Variants in KCNAB1 observed in about 807,000 individuals in gnomAD.
The protein encoded by KCNAB1 is voltage-gated potassium channel subunit beta-1.
In KCNAB1, 35 loss-of-function variants were observed where a neutral mutation model predicts 64.6. The ratio of observed to expected loss-of-function variants is 0.54; its 90% CI spans 0.41 to 0.72. The LOEUF (loss-of-function observed/expected upper bound fraction) is 0.72. KCNAB1 is among the 30% of genes least tolerant of loss of function. The probability of loss-of-function intolerance (pLI) is 0.00; values close to 1 mark genes in which losing one functional copy is unlikely to be tolerated. For missense variants in KCNAB1, 401 were observed against 512.9 expected (o/e 0.78, Z 2.11); for synonymous variants, 177 against 183.8 (o/e 0.96, Z 0.30).
intron 1 of KCNAB1, among the ~76,000 whole-genome samples, chr3:156,317,620 CA>C (rs1288414247): frequency 6.6e-6 from 1 of 151,968 alleles, no homozygotes; most frequent in Non-Finnish European, 1.5e-5. Context: ...ATGACTCATC[CA>C]CAATTCCACC....
chr3:156,289,145 G>A (rs191047133), intron 1 of KCNAB1, among the ~76,000 whole-genome samples: 1 of 152,254 alleles, frequency 6.6e-6, no homozygotes, highest in East Asian at 1.9e-4. Flanking sequence ...CTAGTTCTTG[G>A]CAAGGCTGAA....
intron 1 of KCNAB1, among the ~76,000 whole-genome samples, chr3:156,163,911 C>G (rs943096843): frequency 6.6e-6 from 1 of 152,174 alleles, no homozygotes; most frequent in African/African-American, 2.4e-5. Context: ...GTGGATACAA[C>G]CTTGATGATC....
In KCNAB1 at chr3:156,511,055, C is replaced by T. The variant is rs146149658; in HGVS notation, c.659-3309C>T. 4.8e-4 allele frequency among the ~76,000 whole-genome samples: 73 copies of T among 152,256 alleles called. 1 individual carries two copies. Among genetic ancestry groups the T allele is most frequent in the African/African-American group, 1.3e-3 (52 of 41,538 alleles). ...ACCTCTGGCCCAGATTGCTCACTGT[C>T]GTATTTATCCAACTATTAAATATCC... On this transcript the variant is annotated intron_variant, in intron 8 of 13. Coordinates refer to ENST00000490337, the MANE Select transcript of KCNAB1 (RefSeq NM_172160.3).
intron 1 of KCNAB1, among the ~76,000 whole-genome samples, chr3:156,243,326 G>A (rs915586827): frequency 1.1e-4 from 17 of 152,206 alleles, no homozygotes; most frequent in African/African-American, 3.9e-4. Flanking sequence ...CTGGGTTCAA[G>A]CAATTCTCCT....
At chr3:156,278,169 A>G (rs1186607391) in intron 1 of KCNAB1, among the ~76,000 whole-genome samples, 1 of 152,234 alleles carries the variant, frequency 6.6e-6, no homozygotes, top group South Asian at 2.1e-4. Context: ...ATTAGATGTT[A>G]TGAGATAAAG....
chr3:156,126,342 C>A (rs950830105), intron 1 of KCNAB1, among the ~76,000 whole-genome samples: 6 of 151,932 alleles, frequency 3.9e-5, no homozygotes, highest in Admixed American at 3.9e-4. Flanking sequence ...CAAGAAGAGG[C>A]AGTGCAGAGG....
chr3:156,527,891 C>T (rs1718435803), intron 12 of KCNAB1, among the ~76,000 whole-genome samples: 1 of 152,188 alleles, frequency 6.6e-6, no homozygotes, highest in South Asian at 2.1e-4. Flanking sequence ...AGCCAGCATT[C>T]ATACTTTGTT....
In KCNAB1 at chr3:156,397,422, A is replaced by C. The variant is rs201992830; in HGVS notation, c.276-24194A>C. Among the ~76,000 whole-genome samples, 17 of 152,336 alleles carry C rather than the reference A, an allele frequency of 1.1e-4. No homozygotes were observed. The East Asian group carries it at 3.1e-3, about 28-fold the overall frequency. ...TTTTGCAAATGTCTGAACCGTCTGC[A>C]CATTTAGTATATACTAACTGGAAGA... On this transcript the variant is annotated intron_variant, in intron 1 of 13. Coordinates refer to ENST00000490337, the MANE Select transcript of KCNAB1 (RefSeq NM_172160.3).
chr3:156,529,223 A>C (rs572769636), intron 12 of KCNAB1, among the ~76,000 whole-genome samples: 1 of 152,320 alleles, frequency 6.6e-6, no homozygotes, highest in East Asian at 1.9e-4. Context: ...GCTAAGTGAA[A>C]ACCAGACACA....
intron 1 of KCNAB1, among the ~76,000 whole-genome samples, chr3:156,261,949 T>G (rs528944055): frequency 6.6e-6 from 1 of 152,082 alleles, no homozygotes; most frequent in East Asian, 1.9e-4. Flanking sequence ...TTTTAAAAAT[T>G]TATTTCTTTG....
intron 1 of KCNAB1, among the ~76,000 whole-genome samples, chr3:156,140,225 GA>G (rs763602582): frequency 6.6e-6 from 1 of 152,136 alleles, no homozygotes; most frequent in Non-Finnish European, 1.5e-5. Flanking sequence ...ATTTTTTACA[GA>G]CTACATTCTA....
intron 1 of KCNAB1, among the ~76,000 whole-genome samples, chr3:156,171,769 A>G (rs943906346): frequency 6.6e-6 from 1 of 152,054 alleles, no homozygotes; most frequent in Non-Finnish European, 1.5e-5. Flanking sequence ...TACATAACCA[A>G]CTCTCTTCTC....
intron 1 of KCNAB1, among the ~76,000 whole-genome samples, chr3:156,126,786 G>A (rs1168145953): frequency 2.0e-5 from 3 of 151,952 alleles, no homozygotes; most frequent in Admixed American, 1.3e-4. Flanking sequence ...TAAAAAGTGG[G>A]TAATGATGGC....
intron 1 of KCNAB1, among the ~76,000 whole-genome samples, chr3:156,139,095 G>A (rs1253318233): frequency 6.6e-6 from 1 of 152,174 alleles, no homozygotes; most frequent in Non-Finnish European, 1.5e-5. Flanking sequence ...CTTCTCAGCT[G>A]TTCAGAGGCA....
chr3:156,137,712 A>ATT (rs66960245), intron 1 of KCNAB1, among the ~76,000 whole-genome samples: 12,685 of 140,992 alleles, frequency 0.09, 665 homozygotes, highest in African/African-American at 0.13. Flanking sequence ...CGTCTGGCTA[A>ATT]TTTTTTTTTT....
intron 1 of KCNAB1, among the ~76,000 whole-genome samples, chr3:156,170,590 GC>G (rs1364039261): frequency 6.6e-6 from 1 of 152,152 alleles, no homozygotes; most frequent in Admixed American, 6.5e-5. Flanking sequence ...TCCAAACTTT[GC>G]CACCTGTTTT....
chr3:156,374,383 A>T (rs1446832414), intron 1 of KCNAB1, among the ~76,000 whole-genome samples: 5 of 85,220 alleles, frequency 5.9e-5, no homozygotes, highest in African/African-American at 2.6e-4. Flanking sequence ...AATTTTGGCC[A>T]TGAATTCCTG....
intron 1 of KCNAB1, among the ~76,000 whole-genome samples, chr3:156,414,844 C>A (rs1457755066): frequency 6.6e-6 from 1 of 152,082 alleles, no homozygotes; most frequent in East Asian, 1.9e-4. Context: ...TCAAGCCCCA[C>A]CTCCACAGAA....
At chr3:156,357,191 G>T (rs565493815) in intron 1 of KCNAB1, among the ~76,000 whole-genome samples, 1 of 143,410 alleles carries the variant, frequency 7.0e-6, no homozygotes, top group Non-Finnish European at 1.5e-5. Context: ...ACACACCCCT[G>T]TTCTGAAACT....
Sources: allele counts gnomAD v4.1 joint callset (sites outside exome capture counted in the v4.1 genomes callset), GRCh38; gene constraint gnomAD v4.1.1; transcripts MANE v1.5; gene names NCBI Gene and HGNC (gene_info 2026-07-23, HGNC 2026-07-21).